GAREM1: variants seen among roughly 807,000 people sequenced by gnomAD.
GAREM1 encodes GRB2 associated regulator of MAPK1 subtype 1.
A neutral mutation model predicts 71.3 loss-of-function variants in GAREM1; 26 were observed. The ratio of observed to expected loss-of-function variants is 0.36; its 90% confidence interval spans 0.27 to 0.51. The LOEUF (loss-of-function observed/expected upper bound fraction) is 0.51. Among genes scored for constraint, GAREM1 ranks in the 20% least tolerant of loss-of-function variants. The pLI is 0.95. For synonymous variants in GAREM1, 440 were observed against 433.2 expected, an observed-to-expected ratio of 1.02 and a Z score of -0.20; for missense variants, 1,026 against 1,103.1, an observed-to-expected ratio of 0.93 and a Z score of 0.99.
chr18:32,308,028 A>G (rs555177482), intron 3 of GAREM1, among the ~76,000 whole-genome samples: 1 of 152,332 alleles, frequency 6.6e-6, no homozygotes, highest in East Asian at 1.9e-4. Flanking sequence ...ACAGAATTGA[A>G]TAATGTTTTA....
intron 4 of GAREM1, among the ~76,000 whole-genome samples, chr18:32,286,617 T>C (rs1348854397): frequency 1.3e-5 from 2 of 152,234 alleles, no homozygotes; most frequent in Admixed American, 6.5e-5. Flanking sequence ...CAAGTAAATA[T>C]TGTTGGGTTT....
At chr18:32,381,943 C>T (rs1307031730) in intron 2 of GAREM1, among the ~76,000 whole-genome samples, 1 of 152,194 alleles carries the variant, frequency 6.6e-6, no homozygotes, top group Non-Finnish European at 1.5e-5. Context: ...TCAGAACTAC[C>T]TACTCAACAA....
chr18:32,440,150 C>A (rs753499256), intron 1 of GAREM1, among the ~76,000 whole-genome samples: 1 of 152,194 alleles, frequency 6.6e-6, no homozygotes, highest in African/African-American at 2.4e-5. Context: ...CTTACCAGTA[C>A]ATCAAGCAAT....
intron 4 of GAREM1, among the ~76,000 whole-genome samples, chr18:32,271,739 A>G (rs1440753508): frequency 6.6e-6 from 1 of 152,140 alleles, no homozygotes. Context: ...TCGTCTTCAC[A>G]CTGGAGAGGA....
chr18:32,289,941 G>A (rs1013113055), intron 3 of GAREM1, among the ~76,000 whole-genome samples: 3 of 152,010 alleles, frequency 2.0e-5, no homozygotes, highest in Admixed American at 1.3e-4. Flanking sequence ...TAGCCCAACA[G>A]GGAATGTAAC....
intron 2 of GAREM1, among the ~76,000 whole-genome samples, chr18:32,360,533 C>T (rs2047855717): frequency 6.6e-6 from 1 of 151,992 alleles, no homozygotes; most frequent in Admixed American, 6.6e-5. Flanking sequence ...ATTAGAGGAC[C>T]CTCAAATGTT....
intron 1 of GAREM1, among the ~76,000 whole-genome samples, chr18:32,458,403 C>T (rs1043677735): frequency 6.6e-6 from 1 of 151,984 alleles, no homozygotes; most frequent in African/African-American, 2.4e-5. Flanking sequence ...TTTCAGAGGA[C>T]AGTTACAACA....
chr18:32,336,322 C>T (rs1319413347), intron 2 of GAREM1, among the ~76,000 whole-genome samples: 3 of 150,314 alleles, frequency 2.0e-5, no homozygotes, highest in Non-Finnish European at 2.9e-5. Flanking sequence ...CCCAGCTACT[C>T]GGGATGCTGA....
At chr18:32,418,594 C>T (rs2048487751) in intron 1 of GAREM1, among the ~76,000 whole-genome samples, 1 of 152,120 alleles carries the variant, frequency 6.6e-6, no homozygotes, top group South Asian at 2.1e-4. Context: ...TGATATTTAA[C>T]AAGTAACCTC....
At chr18:32,358,203 C>A (rs2047824735) in intron 2 of GAREM1, among the ~76,000 whole-genome samples, 1 of 148,110 alleles carries the variant, frequency 6.8e-6, no homozygotes, top group South Asian at 2.1e-4. Context: ...GAGAGCACAC[C>A]CGGCTTGTGT....
Position 32,470,546 on chromosome 18 carries a change from T to C in GAREM1, c.-118A>G. ...GGGCGCGCGGGAGGCGCCGGGCAGC[T>C]CCGGCCGCGGGCAGCCGGGGGGGCG... is the stretch of plus-strand genomic sequence containing the variant. On this transcript the variant is annotated 5_prime_UTR_variant, in exon 1 of 6. Transcript: ENST00000269209. This position sits in a 1 kb window ranked among gnomAD's most constrained non-coding sequence, Gnocchi z 4.4. The C allele has an allele frequency of 2.8e-6, 2 of 714,638 alleles. No homozygotes were observed. Among genetic ancestry groups the C allele is most frequent in the Non-Finnish European group, 3.4e-6 (2 of 585,498 alleles). 44.3% of individuals were successfully genotyped at this position (714,638 alleles called of 1,614,324 possible).
intron 1 of GAREM1, among the ~76,000 whole-genome samples, chr18:32,439,284 GAA>G (rs1440949043): frequency 2.0e-5 from 3 of 152,118 alleles, no homozygotes; most frequent in Non-Finnish European, 4.4e-5. Context: ...AGAAAAGAAA[GAA>G]GAGTTCTTTT....
chr18:32,293,162 G>GACAC (rs150573267), intron 3 of GAREM1, among the ~76,000 whole-genome samples: 2 of 149,816 alleles, frequency 1.3e-5, no homozygotes, highest in South Asian at 2.1e-4. Flanking sequence ...CACACACACA[G>GACAC]ACACACACAC....
At chr18:32,398,141 A>C (rs2048276480) in intron 1 of GAREM1, among the ~76,000 whole-genome samples, 1 of 152,186 alleles carries the variant, frequency 6.6e-6, no homozygotes, top group South Asian at 2.1e-4. Context: ...AACATACCAG[A>C]ATCTCTGGGA....
At chr18:32,424,526 C>T (rs920652640) in intron 1 of GAREM1, among the ~76,000 whole-genome samples, 116 of 152,072 alleles carry the variant, frequency 7.6e-4, no homozygotes, top group African/African-American at 2.6e-3. Flanking sequence ...TTTTGGTTAA[C>T]GTAAATCAAT....
At chr18:32,447,220 T>C (rs1472776652) in intron 1 of GAREM1, among the ~76,000 whole-genome samples, 2 of 152,320 alleles carry the variant, frequency 1.3e-5, no homozygotes, top group Non-Finnish European at 2.9e-5. Flanking sequence ...TATTCCTCCA[T>C]GTTTTGAGCC....
chr18:32,286,705 C>T (rs1014187289), intron 4 of GAREM1, among the ~76,000 whole-genome samples: 4 of 152,168 alleles, frequency 2.6e-5, no homozygotes, highest in Admixed American at 1.3e-4. Context: ...CTTACCACCT[C>T]GCACCTACCT....
chr18:32,442,804 A>C (rs971963439), intron 1 of GAREM1, among the ~76,000 whole-genome samples: 1 of 152,194 alleles, frequency 6.6e-6, no homozygotes, highest in Non-Finnish European at 1.5e-5. Context: ...TTCTCAGAAA[A>C]TGAAGATATT....
At chr18:32,399,052 A>C (rs563589175) in intron 1 of GAREM1, among the ~76,000 whole-genome samples, 180 of 152,362 alleles carry the variant, frequency 1.2e-3, no homozygotes, top group African/African-American at 4.2e-3. Context: ...GCATATAAAC[A>C]GAACCAAAGA....
Sources: allele counts gnomAD v4.1 joint callset (sites outside exome capture counted in the v4.1 genomes callset), GRCh38; gene constraint gnomAD v4.1.1; non-coding constraint Gnocchi (gnomAD v3.1); transcripts MANE v1.5; gene names NCBI Gene and HGNC (gene_info 2026-07-23, HGNC 2026-07-21).